ADGRL3: variants seen among roughly 807,000 people sequenced by gnomAD.
ADGRL3 encodes calcium-independent alpha-latrotoxin receptor 3.
Under a neutral mutation model 153.5 loss-of-function variants are expected in ADGRL3, and 62 were observed. The observed-to-expected ratio is 0.40, with a 90% CI of 0.33 to 0.50. The LOEUF is 0.50. Among genes scored for constraint, ADGRL3 ranks in the 20% least tolerant of loss-of-function variants. ADGRL3 has a pLI of 0.47. For missense variants in ADGRL3, 1,641 were observed against 1,859.4 expected (o/e 0.88, Z 2.16); for synonymous variants, 710 against 672.5 (o/e 1.06, Z -0.86).
chr4:61,377,512 T>C (rs2096618031), intron 1 of ADGRL3, among the ~76,000 whole-genome samples: 1 of 152,036 alleles, frequency 6.6e-6, no homozygotes, highest in Non-Finnish European at 1.5e-5. Flanking sequence ...TATATGTTTT[T>C]CAAGGAGGAA....
chr4:61,526,101 T>C (rs1007527303), intron 4 of ADGRL3, among the ~76,000 whole-genome samples: 3 of 152,044 alleles, frequency 2.0e-5, no homozygotes, highest in Non-Finnish European at 4.4e-5. Context: ...GTTGATACAA[T>C]TGGTAAACTG....
intron 1 of ADGRL3, among the ~76,000 whole-genome samples, chr4:61,204,286 C>G (rs1219724357): frequency 1.3e-5 from 2 of 152,130 alleles, no homozygotes; most frequent in African/African-American, 2.4e-5. Context: ...GGCCATCACC[C>G]TAATAGAAAA....
intron 1 of ADGRL3, among the ~76,000 whole-genome samples, chr4:61,318,220 AACAC>A (rs140779579): frequency 6.9e-6 from 1 of 145,706 alleles, no homozygotes; most frequent in African/African-American, 2.6e-5. Context: ...AAAAACACAA[AACAC>A]ACACACACAC....
chr4:61,552,643 T>G (rs1347134376), intron 4 of ADGRL3, among the ~76,000 whole-genome samples: 1 of 151,994 alleles, frequency 6.6e-6, no homozygotes, highest in Non-Finnish European at 1.5e-5. Context: ...TTTTATTTAT[T>G]TATTTTGTAG....
intron 13 of ADGRL3, among the ~76,000 whole-genome samples, chr4:61,919,890 CA>C (rs2098760802): frequency 6.6e-6 from 1 of 152,140 alleles, no homozygotes; most frequent in South Asian, 2.1e-4. Context: ...ACAAATGTTC[CA>C]GCTGCTGTTT....
chr4:62,010,211 G>A (rs1222596506), intron 21 of ADGRL3, among the ~76,000 whole-genome samples: 3 of 152,090 alleles, frequency 2.0e-5, no homozygotes, highest in African/African-American at 4.8e-5. Flanking sequence ...GGAGGGGAGA[G>A]GAGGCTGAAC....
At chr4:61,560,631 G>T (rs2098790901) in intron 4 of ADGRL3, among the ~76,000 whole-genome samples, 1 of 144,472 alleles carries the variant, frequency 6.9e-6, no homozygotes, top group South Asian at 2.3e-4. Flanking sequence ...AAATCCCATT[G>T]AATTTGTGGG....
At chr4:61,600,164 T>C (rs1291302094) in intron 5 of ADGRL3, among the ~76,000 whole-genome samples, 2 of 151,422 alleles carry the variant, frequency 1.3e-5, no homozygotes, top group Non-Finnish European at 2.9e-5. Context: ...AGAAATTAGC[T>C]GGGTGTGGTG....
At chr4:62,038,716 G>A (rs975776774) in intron 24 of ADGRL3, among the ~76,000 whole-genome samples, 7 of 151,934 alleles carry the variant, frequency 4.6e-5, no homozygotes, top group Non-Finnish European at 7.4e-5. Context: ...ATCTTCCCAC[G>A]TCAGCCTCCA....
intron 4 of ADGRL3, among the ~76,000 whole-genome samples, chr4:61,556,226 G>GT (rs905585013): frequency 2.0e-5 from 3 of 152,170 alleles, no homozygotes; most frequent in Admixed American, 2.0e-4. Context: ...GAATGGGATT[G>GT]TTGATCTATT....
intron 8 of ADGRL3, among the ~76,000 whole-genome samples, chr4:61,789,130 C>A (rs77739042): frequency 0.053 from 7,980 of 151,778 alleles, 579 homozygotes; most frequent in African/African-American, 0.16. Flanking sequence ...ATTTTTTTTA[C>A]TTATTTTTGG....
At chr4:61,551,907 T>A (rs1360228063) in intron 4 of ADGRL3, among the ~76,000 whole-genome samples, 1 of 152,198 alleles carries the variant, frequency 6.6e-6, no homozygotes, top group Non-Finnish European at 1.5e-5. Context: ...TATACATATA[T>A]TGTATAAGAC....
intron 1 of ADGRL3, among the ~76,000 whole-genome samples, chr4:61,285,660 G>A (rs1333871664): frequency 1.3e-5 from 2 of 151,794 alleles, no homozygotes; most frequent in African/African-American, 4.8e-5. Flanking sequence ...TTAGTTAGGG[G>A]TTTAAAGGAA....
intron 4 of ADGRL3, among the ~76,000 whole-genome samples, chr4:61,570,167 G>A (rs2098832673): frequency 6.6e-6 from 1 of 152,050 alleles, no homozygotes; most frequent in South Asian, 2.1e-4. Flanking sequence ...GGGCTAGTTA[G>A]TAAGCTTTTT....
chr4:61,862,883 T>A (rs929978084), intron 9 of ADGRL3, among the ~76,000 whole-genome samples: 1 of 152,060 alleles, frequency 6.6e-6, no homozygotes, highest in Non-Finnish European at 1.5e-5. Context: ...CCAAACTAAA[T>A]GTTTGGGATT....
chr4:61,423,855 G>C (rs2097242109), intron 2 of ADGRL3, among the ~76,000 whole-genome samples: 1 of 152,150 alleles, frequency 6.6e-6, no homozygotes, highest in African/African-American at 2.4e-5. Flanking sequence ...GTAGCCATAA[G>C]CCATGGAAGG....
chr4:61,497,149 G>C lies in ADGRL3; in HGVS notation c.-145G>C. The C allele has an allele frequency of 1.8e-6, 1 of 563,890 alleles. No homozygotes were observed. The highest frequency in any genetic ancestry group is 3.1e-6 in the Non-Finnish European group (1 of 326,660). 34.9% of individuals were successfully genotyped at this position (563,890 alleles called of 1,614,324 possible). A position where few individuals can be genotyped will look rare whatever the true frequency, so the allele number is the denominator to read the frequency against. ...TCAGATTTGGGATATTGGTGTTTCTGTTTTGGAGAAATTATTCTTTTTCTT... is the reference window on the plus strand; with the variant it reads ...TCAGATTTGGGATATTGGTGTTTCTCTTTTGGAGAAATTATTCTTTTTCTT... On this transcript the variant is annotated 5_prime_UTR_variant, in exon 3 of 27. Coordinates refer to ENST00000683033, the MANE Select transcript of ADGRL3 (RefSeq NM_001387552.1).
chr4:61,383,544 A>T (rs1417734291), intron 2 of ADGRL3, among the ~76,000 whole-genome samples: 1 of 151,768 alleles, frequency 6.6e-6, no homozygotes, highest in Non-Finnish European at 1.5e-5. Flanking sequence ...TTCTTAACTA[A>T]TGTAGAATAA....
At chr4:61,558,386 T>C in intron 4 of ADGRL3, among the ~76,000 whole-genome samples, 1 of 151,658 alleles carries the variant, frequency 6.6e-6, no homozygotes, top group East Asian at 1.9e-4. Context: ...TAAGAAAATA[T>C]GGCACTTTAA....
Sources: allele counts gnomAD v4.1 joint callset (sites outside exome capture counted in the v4.1 genomes callset), GRCh38; gene constraint gnomAD v4.1.1; transcripts MANE v1.5; gene names NCBI Gene and HGNC (gene_info 2026-07-23, HGNC 2026-07-21).